The following KIAA0408 variants were observed in gnomAD, a reference collection of about 807,000 sequenced individuals.
KIAA0408 encodes the protein uncharacterized protein KIAA0408.
In KIAA0408, 51 loss-of-function variants were observed where a neutral mutation model predicts 60.9. The observed-to-expected ratio is 0.84, with a 90% CI of 0.67 to 1.06. The LOEUF is 1.06. Among genes scored for constraint, KIAA0408 ranks in the 50% least tolerant of loss-of-function variants. The pLI is 0.00. For missense variants in KIAA0408, 787 were observed against 833.9 expected, an observed-to-expected ratio of 0.94 and a Z score of 0.69; for synonymous variants, 304 against 282.4, an observed-to-expected ratio of 1.08 and a Z score of -0.77.
At position 127,443,220 on chromosome 6, in the gene KIAA0408, A is replaced by G. The variant is rs1184353490; in HGVS notation, c.*889T>C. 1 of 152,138 alleles carries G rather than the reference A, an allele frequency of 6.6e-6. No individual in the cohort carries two copies. The highest frequency in any genetic ancestry group is 2.4e-5 in the African/African-American group (1 of 41,452). 9.4% of individuals were successfully genotyped at this position (152,138 alleles called of 1,614,324 possible). On this transcript the variant is annotated 3_prime_UTR_variant, in exon 6 of 6. Transcript: ENST00000483725. ...ACTTAAAGAAAAACTAAAATTCAACATCATTCAGTTTCTTTTTGCATCCCA... is the reference window on the plus strand; with the variant it reads ...ACTTAAAGAAAAACTAAAATTCAACGTCATTCAGTTTCTTTTTGCATCCCA...
intron 1 of KIAA0408, among the ~76,000 whole-genome samples, chr6:127,457,378 C>A (rs978494037): frequency 6.6e-6 from 1 of 152,172 alleles, no homozygotes; most frequent in Non-Finnish European, 1.5e-5. Context: ...AGTTGTCACT[C>A]ATTTTCTCCC....
chr6:127,453,459 T>C (rs1177773969), intron 2 of KIAA0408, among the ~76,000 whole-genome samples: 1 of 152,038 alleles, frequency 6.6e-6, no homozygotes, highest in Non-Finnish European at 1.5e-5. Flanking sequence ...TTAGGAAAGA[T>C]CTATGTTCTA....
Position 127,446,759 on chromosome 6 carries a change from T to C in KIAA0408, c.1560A>G (p.Leu520=), listed in dbSNP as rs17054687. Residue 520 remains leucine, a synonymous_variant, in exon 5 of 6, where the codon CTA becomes CTG. Transcript: ENST00000483725. ...DNPTKKSTTG[L]VRQMQGHLSP... The stretch of plus-strand genomic sequence containing the variant: ...TTAGGTGTCCCTGCATTTGTCTTAC[T>C]AGGCCTGTTGTGGATTTCTTGGTGG... The C allele has an allele frequency of 6.2e-7, 1 of 1,613,832 alleles. No individual in the cohort carries two copies. The highest frequency in any genetic ancestry group is 1.3e-5 in the African/African-American group (1 of 74,862).
At chr6:127,457,234 CA>C (rs140318878) in intron 1 of KIAA0408, among the ~76,000 whole-genome samples, 3,684 of 152,202 alleles carry the variant, frequency 0.024, 181 homozygotes, top group Admixed American at 0.12. Context: ...CAAAAAATAT[CA>C]AACTGAAGGG....
intron 1 of KIAA0408, among the ~76,000 whole-genome samples, chr6:127,454,799 G>A (rs1359497107): frequency 6.6e-6 from 1 of 152,060 alleles, no homozygotes; most frequent in African/African-American, 2.4e-5. Context: ...ACCATAAACT[G>A]CTTAGGATAT....
chr6:127,450,386 T>A, intron 2 of KIAA0408, 34 bp from the exon 3 acceptor site: 1 of 1,539,368 alleles, frequency 6.5e-7, no homozygotes, highest in Non-Finnish European at 8.7e-7. Flanking sequence ...TAAAACTTCT[T>A]TTCCCCTAAT....
chr6:127,454,182 C>A lies in KIAA0408; in HGVS notation c.-120-81G>T, dbSNP rs116816894. The A allele has an allele frequency of 1.4e-3, 1,752 of 1,226,302 alleles. 23 individuals carry two copies. The African/African-American group carries it at 0.024, about 17-fold the overall frequency. 76.0% of individuals were successfully genotyped at this position (1,226,302 alleles called of 1,614,324 possible). ...TTTTATCATTTTGTCGAGCCATTGA[C>A]ATAAACAAACTATAGGAAAATTGGA... On this transcript the variant is annotated intron_variant, in intron 1 of 5. Transcript: ENST00000483725.
intron 1 of KIAA0408, 41 bp from the exon 2 acceptor site, chr6:127,454,142 C>T: frequency 2.3e-6 from 3 of 1,293,384 alleles, no homozygotes; most frequent in Non-Finnish European, 2.9e-6. Flanking sequence ...AATCCATGTG[C>T]TTTCTGGAAA....
Position 127,449,884 on chromosome 6 carries a change from CG to C in KIAA0408, c.515del (p.Ala172GlyfsTer3), listed in dbSNP as rs1327867906. The C allele has an allele frequency of 6.2e-7, 1 of 1,613,926 alleles. No individual in the cohort carries two copies. Among genetic ancestry groups the C allele is most frequent in the African/African-American group, 1.3e-5 (1 of 74,920 alleles). On this transcript the variant is annotated frameshift_variant, in exon 4 of 6. Transcript: ENST00000483725. LOFTEE classifies it high-confidence loss of function. ...GALSTALEEL[A>X]KVSEELCSFQ... ...AGCTGCATAATTCTTCACTCACCTT[CG>C]CAAGTTCTTCAAGAGCCTTTACACA...
Position 127,446,449 on chromosome 6 carries a change from GT to G in KIAA0408, c.1869del (p.Gln624ArgfsTer3). 6.8e-6 allele frequency: 11 copies of G among 1,612,674 alleles called. No homozygotes were observed. The highest frequency in any genetic ancestry group is 9.3e-6 in the Non-Finnish European group (11 of 1,178,944). On this transcript the variant is annotated frameshift_variant, in exon 5 of 6. Coordinates refer to ENST00000483725, the MANE Select transcript of KIAA0408 (RefSeq NM_014702.5). LOFTEE classifies it high-confidence loss of function. Reference protein sequence around the residue: ...QFQQKTAVWGGQEVKQGIDPK... With the variant: ...QFQQKTAVWGXQEVKQGIDPK... ...GGATCTATTCCTTGCTTCACTTCCT[GT>G]CCCCCCCACACAGCTGTCTTTTGCT...
rs1378791671 is a variant in KIAA0408, at chr6:127,443,527, G to T, written c.*582C>A. 1 of 152,126 alleles carries T rather than the reference G, an allele frequency of 6.6e-6. No individual in the cohort carries two copies. Among genetic ancestry groups the T allele is most frequent in the African/African-American group, 2.4e-5 (1 of 41,444 alleles). 9.4% of individuals were successfully genotyped at this position (152,126 alleles called of 1,614,324 possible). A position where few individuals can be genotyped will look rare whatever the true frequency, so the allele number is the denominator to read the frequency against. On this transcript the variant is annotated 3_prime_UTR_variant, in exon 6 of 6. Transcript: ENST00000483725. Reference sequence around the variant, plus strand: ...AGAAATTATTTATGAGTTGTCTTTAGAAATCTACCAATGTTAGATGTGTGC... The same window carrying T: ...AGAAATTATTTATGAGTTGTCTTTATAAATCTACCAATGTTAGATGTGTGC...
At chr6:127,456,793 G>T (rs947205999) in intron 1 of KIAA0408, among the ~76,000 whole-genome samples, 4 of 142,554 alleles carry the variant, frequency 2.8e-5, no homozygotes, top group African/African-American at 5.2e-5. Context: ...GTGGGGGGGG[G>T]GCATAGAATT....
At position 127,447,316 on chromosome 6, in the gene KIAA0408, T is replaced by C. The variant is rs1480081781; in HGVS notation, c.1003A>G (p.Ile335Val). The C allele has an allele frequency of 1.2e-6, 2 of 1,613,872 alleles. No homozygotes were observed. The highest frequency in any genetic ancestry group is 1.1e-5 in the South Asian group (1 of 91,014). The change falls in exon 5 of 6, where the codon ATC (isoleucine) becomes GTC (valine). Residue 335 changes from isoleucine (I) to valine (V), a missense_variant. Around this residue, in one of 3 missense-constraint regions of KIAA0408, gnomAD observed 640 missense variants for 681.3 expected, o/e 0.94. Coordinates refer to ENST00000483725, the MANE Select transcript of KIAA0408 (RefSeq NM_014702.5). Reference protein sequence around the residue: ...PNEGKTSKDGIIFSSLVPEVK... With the variant: ...PNEGKTSKDGVIFSSLVPEVK... ...TCTGGTACCAAAGAGGAAAAGATGA[T>C]ACCATCTTTCGAAGTTTTCCCTTCA...
Position 127,446,444 on chromosome 6 carries a change from T to C in KIAA0408, c.1875A>G (p.Glu625=). Residue 625 remains glutamate, a synonymous_variant, in exon 5 of 6, where the codon GAA becomes GAG. Transcript: ENST00000483725. ...QQKTAVWGGQ[E]VKQGIDPKKI... ...TTTTCGGATCTATTCCTTGCTTCAC[T>C]TCCTGTCCCCCCCACACAGCTGTCT... 1 of 1,612,806 alleles carries C rather than the reference T, an allele frequency of 6.2e-7. No individual in the cohort carries two copies. Among genetic ancestry groups the C allele is most frequent in the Non-Finnish European group, 8.5e-7 (1 of 1,178,896 alleles).
Position 127,439,235 on chromosome 6 carries a change from C to G in KIAA0408, c.*4874G>C, listed in dbSNP as rs117373310. 8,693 of 152,326 alleles carry G rather than the reference C, an allele frequency of 0.057. 335 individuals carry two copies. Among genetic ancestry groups the G allele is most frequent in the Non-Finnish European group, 0.084 (5,732 of 68,048 alleles). 9.4% of individuals were successfully genotyped at this position (152,326 alleles called of 1,614,324 possible). On this transcript the variant is annotated 3_prime_UTR_variant, in exon 6 of 6. Transcript: ENST00000483725. The stretch of plus-strand genomic sequence containing the variant: ...GCACAAATGAGCCAAGATAATACTT[C>G]AAGCAAACTGCTTTTATTTATTCTG...
At position 127,442,773 on chromosome 6, in the gene KIAA0408, G is replaced by A. The variant is rs909449246; in HGVS notation, c.*1336C>T. 2.6e-5 allele frequency: 4 copies of A among 152,168 alleles called. No homozygotes were observed. The highest frequency in any genetic ancestry group is 1.9e-4 in the East Asian group (1 of 5,198). 9.4% of individuals were successfully genotyped at this position (152,168 alleles called of 1,614,324 possible). A position where few individuals can be genotyped will look rare whatever the true frequency, so the allele number is the denominator to read the frequency against. On this transcript the variant is annotated 3_prime_UTR_variant, in exon 6 of 6. Coordinates refer to ENST00000483725, the MANE Select transcript of KIAA0408 (RefSeq NM_014702.5). ...TTAGTAAAAGAAAAGCTTAAATAGA[G>A]TTAATATCTAATAACATAACATAAT...
At chr6:127,451,104 A>G (rs1773295242) in intron 2 of KIAA0408, 3 of 341,376 alleles carry the variant, frequency 8.8e-6, no homozygotes, top group Non-Finnish European at 1.7e-5. Flanking sequence ...ACTTCTGAAT[A>G]GAGGAAAGAA....
chr6:127,458,568 G>T (rs1247127347), intron 1 of KIAA0408, among the ~76,000 whole-genome samples: 1 of 152,092 alleles, frequency 6.6e-6, no homozygotes, highest in Non-Finnish European at 1.5e-5. Flanking sequence ...CAAACATTTG[G>T]TTTGAGTAAA....
intron 1 of KIAA0408, among the ~76,000 whole-genome samples, chr6:127,455,695 T>C (rs1773380271): frequency 6.6e-6 from 1 of 152,174 alleles, no homozygotes; most frequent in Admixed American, 6.5e-5. Flanking sequence ...TTATGATTAA[T>C]TCAGTCACGA....
Sources: gnomAD v4.1 joint callset for allele counts (sites outside exome capture counted in the v4.1 genomes callset) on GRCh38, gnomAD v4.1.1 for gene constraint, gnomAD v4.1.1 regional missense constraint, MANE v1.5 for transcripts, NCBI Gene and HGNC (gene_info 2026-07-23, HGNC 2026-07-21) for gene names.